PITPNM3: variants seen among roughly 807,000 people sequenced by gnomAD.
PITPNM3 encodes PITPNM family member 3.
PITPNM3 carries 26 observed loss-of-function variants against 102.0 expected under a neutral mutation model. The observed-to-expected ratio is 0.25, with a 90% CI of 0.19 to 0.35. PITPNM3 has a LOEUF of 0.35. Ranked by LOEUF, PITPNM3 falls within the 10% of genes least tolerant of loss-of-function variation. The probability of loss-of-function intolerance (pLI) is 1.00; values close to 1 mark genes in which losing one functional copy is unlikely to be tolerated. For synonymous variants in PITPNM3, 578 were observed against 558.6 expected (o/e 1.03, Z -0.49); for missense variants, 1,083 against 1,346.1 (o/e 0.80, Z 3.06).
intron 17 of PITPNM3, among the ~76,000 whole-genome samples, chr17:6,463,222 C>T (rs1567660181): frequency 6.6e-6 from 1 of 152,110 alleles, no homozygotes; most frequent in East Asian, 1.9e-4. Context: ...CAGGAACTTC[C>T]AGTGCCTGGC....
At chr17:6,486,954 C>A (rs771774765) in intron 4 of PITPNM3, among the ~76,000 whole-genome samples, 3 of 152,190 alleles carry the variant, frequency 2.0e-5, no homozygotes, top group Non-Finnish European at 1.5e-5. Flanking sequence ...CCCCACGTAC[C>A]TTAAAGGTTA....
intron 1 of PITPNM3, among the ~76,000 whole-genome samples, chr17:6,540,386 A>C (rs1909666379): frequency 6.6e-6 from 1 of 152,182 alleles, no homozygotes; most frequent in African/African-American, 2.4e-5. Context: ...TCCTTCCTCA[A>C]GTGTCTCTTA....
intron 3 of PITPNM3, among the ~76,000 whole-genome samples, chr17:6,504,855 G>A (rs1384094460): frequency 6.6e-6 from 1 of 152,118 alleles, no homozygotes; most frequent in African/African-American, 2.4e-5. Flanking sequence ...GCCTCGGAGG[G>A]TTACTGTGGA....
intron 3 of PITPNM3, among the ~76,000 whole-genome samples, chr17:6,522,113 A>G (rs1908562231): frequency 6.6e-6 from 1 of 152,134 alleles, no homozygotes; most frequent in Non-Finnish European, 1.5e-5. Flanking sequence ...TAAAATATTC[A>G]AGATTAGTGA....
At position 6,472,211 on chromosome 17, in the gene PITPNM3, C is replaced by T. The variant is rs1287407239; in HGVS notation, c.1429+446G>A. On this transcript the variant is annotated intron_variant, in intron 11 of 19. Coordinates refer to ENST00000262483, the MANE Select transcript of PITPNM3 (RefSeq NM_031220.4). The surrounding 1 kb of genome is among the most constrained non-coding windows in gnomAD (Gnocchi z 4.1). ...TTCTCCCTGCCTGGAAGATCTCAAC[C>T]CTCATCCTCTAGCTCTTCTCCACCT... is the stretch of plus-strand genomic sequence containing the variant. Among the ~76,000 whole-genome samples, 1 of 152,194 alleles carries T rather than the reference C, an allele frequency of 6.6e-6. No individual in the cohort carries two copies. The highest frequency in any genetic ancestry group is 2.4e-5 in the African/African-American group (1 of 41,452).
At chr17:6,467,934 G>A (rs1904867529) in intron 14 of PITPNM3, among the ~76,000 whole-genome samples, 1 of 152,168 alleles carries the variant, frequency 6.6e-6, no homozygotes, top group Non-Finnish European at 1.5e-5. Flanking sequence ...CACATCTACT[G>A]TAGCCTGGCA....
intron 3 of PITPNM3, 113 bp from the exon 4 acceptor site, chr17:6,503,687 G>A: frequency 9.2e-7 from 1 of 1,084,120 alleles, no homozygotes; most frequent in Non-Finnish European, 1.4e-6. Context: ...AGCTTGGGAT[G>A]GGCAGAAGTA....
At position 6,452,326 on chromosome 17, in the gene PITPNM3, T is replaced by C. The variant is rs1567654567; in HGVS notation, c.*3012A>G. The C allele has an allele frequency of 6.6e-6, 1 of 152,088 alleles. No individual in the cohort carries two copies. The highest frequency in any genetic ancestry group is 1.5e-5 in the Non-Finnish European group (1 of 68,024). The allele number at this position is 152,088 out of a possible 1,614,324, so 9.4% of individuals were successfully genotyped here. A position where few individuals can be genotyped will look rare whatever the true frequency, so the allele number is the denominator to read the frequency against. ...CCCTGAACCCCAACAGGGCAAATGA[T>C]AAAGGAAGGTGGCAGGCAGGCCCTC... On this transcript the variant is annotated 3_prime_UTR_variant, in exon 20 of 20. Coordinates refer to ENST00000262483, the MANE Select transcript of PITPNM3 (RefSeq NM_031220.4).
At position 6,484,231 on chromosome 17, in the gene PITPNM3, G is replaced by T. The variant is rs765408621; in HGVS notation, c.336C>A (p.Ile112=). 4 of 1,610,848 alleles carry T rather than the reference G, an allele frequency of 2.5e-6. No homozygotes were observed. The highest frequency in any genetic ancestry group is 3.4e-6 in the Non-Finnish European group (4 of 1,177,096). The change falls in exon 5 of 20, where the codon ATC becomes ATA. Residue 112 remains isoleucine, a synonymous_variant. Transcript: ENST00000262483. ...QRFPAQGSIE[I]HEDSEEGCPQ... ...CCCAGCCTACCTCGCTGTCTTCGTG[G>T]ATCTCGATGCTTCCCTGGGCTGGGA...
Position 6,527,115 on chromosome 17 carries a change from G to A in PITPNM3, c.119-1652C>T, listed in dbSNP as rs564918836. Among the ~76,000 whole-genome samples, 9 of 152,278 alleles carry A rather than the reference G, an allele frequency of 5.9e-5. 1 individual carries two copies. In the South Asian group the frequency reaches 1.7e-3, roughly 28 times the overall value. ...TTCCTATCTTTTAAACAACAATAAC[G>A]ACTCAGGGTCTATAGCTCTGTCTAG... is the stretch of plus-strand genomic sequence containing the variant. On this transcript the variant is annotated intron_variant, in intron 2 of 19. Coordinates refer to ENST00000262483, the MANE Select transcript of PITPNM3 (RefSeq NM_031220.4).
rs186720230 is a variant in PITPNM3, at chr17:6,546,090, G to T, written c.23-8008C>A. 6.6e-4 allele frequency among the ~76,000 whole-genome samples: 100 copies of T among 152,350 alleles called. 2 individuals are homozygous for T. The highest frequency in any genetic ancestry group is 2.3e-3 in the African/African-American group (97 of 41,584). Reference sequence around the variant, plus strand: ...AGCCAGCCTATCCTCAGCCTTGAAGGGGGGCTGTCCAGGGAGAGATGAGAG... The same window carrying T: ...AGCCAGCCTATCCTCAGCCTTGAAGTGGGGCTGTCCAGGGAGAGATGAGAG... On this transcript the variant is annotated intron_variant, in intron 1 of 19. Transcript: ENST00000262483.
chr17:6,540,294 C>T (rs567741984), intron 1 of PITPNM3, among the ~76,000 whole-genome samples: 35 of 152,230 alleles, frequency 2.3e-4, no homozygotes, highest in African/African-American at 7.7e-4. Context: ...ATTCTGCAGG[C>T]GGGGAAGGAA....
intron 9 of PITPNM3, among the ~76,000 whole-genome samples, chr17:6,475,655 A>T (rs1272056893): frequency 2.0e-5 from 3 of 152,168 alleles, no homozygotes; most frequent in African/African-American, 7.2e-5. Flanking sequence ...CCCTAAACAC[A>T]TGCCAACTAC....
In PITPNM3 at chr17:6,457,787, G is replaced by A; in HGVS notation, c.2491-65C>T. The A allele has an allele frequency of 6.5e-7, 1 of 1,546,302 alleles. No individual in the cohort carries two copies. On this transcript the variant is annotated intron_variant, in intron 18 of 19. Transcript: ENST00000262483. The surrounding 1 kb of genome is among the most constrained non-coding windows in gnomAD (Gnocchi z 4.7). ...CCCACCCCCTGGAAAGCCTTCCCAG[G>A]CCAACCCCAGGGGGCCCCTGCTTGG...
In PITPNM3 at chr17:6,500,657, A is replaced by G. The variant is rs77933360; in HGVS notation, c.274+2870T>C. On this transcript the variant is annotated intron_variant, in intron 4 of 19. Coordinates refer to ENST00000262483, the MANE Select transcript of PITPNM3 (RefSeq NM_031220.4). ...AAAATTCATCTGCACATACGCTGTC[A>G]TTCTTTGCTAAATAAGAACACTCTT... Among the ~76,000 whole-genome samples the G allele has an allele frequency of 4.2e-3, 642 of 151,422 alleles. 2 individuals carry two copies. Among genetic ancestry groups the G allele is most frequent in the African/African-American group, 0.014 (596 of 41,236 alleles).
At chr17:6,550,677 A>G (rs1044492248) in intron 1 of PITPNM3, among the ~76,000 whole-genome samples, 1 of 152,222 alleles carries the variant, frequency 6.6e-6, no homozygotes, top group Non-Finnish European at 1.5e-5. Context: ...TATGTGAGAA[A>G]ACATCACAGC....
Position 6,477,085 on chromosome 17 carries a change from GCT to G in PITPNM3, c.1027_1028del (p.Ser343ArgfsTer6), listed in dbSNP as rs1567667585. ...EPKRPLPRKQSDSSTYDCEAI... is the reference protein window; with the variant it reads ...EPKRPLPRKQXDSSTYDCEAI... ...CCTCGCAGTCATAGGTGGAGGAGTCGCTCTGTTTCCGCGGCAACGGCCTCTTG... is the reference window on the plus strand; with the variant it reads ...CCTCGCAGTCATAGGTGGAGGAGTCGCTGTTTCCGCGGCAACGGCCTCTTG... On this transcript the variant is annotated frameshift_variant, in exon 9 of 20. Coordinates refer to ENST00000262483, the MANE Select transcript of PITPNM3 (RefSeq NM_031220.4). LOFTEE classifies it high-confidence loss of function. The G allele has an allele frequency of 1.9e-6, 3 of 1,613,982 alleles. No homozygotes were observed. The highest frequency in any genetic ancestry group is 8.5e-7 in the Non-Finnish European group (1 of 1,180,026).
rs1041040333 is a variant in PITPNM3, at chr17:6,516,709, A to G, written c.226+8647T>C. ...AACCTACTCAGAAACGTCGCTTGAA[A>G]TTTCAGAATACAAGGACTAAAGATG... On this transcript the variant is annotated intron_variant, in intron 3 of 19. Coordinates refer to ENST00000262483, the MANE Select transcript of PITPNM3 (RefSeq NM_031220.4). 1.1e-4 allele frequency among the ~76,000 whole-genome samples: 16 copies of G among 152,196 alleles called. No homozygotes were observed. The East Asian group carries it at 2.5e-3, about 24-fold the overall frequency.
chr17:6,471,410 C>A (rs556730214), intron 11 of PITPNM3, 55 bp from the exon 12 acceptor site: 8 of 1,435,864 alleles, frequency 5.6e-6, no homozygotes, highest in African/African-American at 1.4e-5. Flanking sequence ...CAGAGCTGCC[C>A]ACTCAGTGCC....
Sources: gnomAD v4.1 joint callset for allele counts (sites outside exome capture counted in the v4.1 genomes callset) on GRCh38, gnomAD v4.1.1 for gene constraint, Gnocchi (gnomAD v3.1) non-coding constraint, MANE v1.5 for transcripts, NCBI Gene and HGNC (gene_info 2026-07-23, HGNC 2026-07-21) for gene names.